The following COLEC10 variants were observed in gnomAD, a reference collection of about 807,000 sequenced individuals.
COLEC10 encodes the protein collectin-10.
Under a neutral mutation model 28.4 loss-of-function variants are expected in COLEC10, and 22 were observed. The ratio of observed to expected loss-of-function variants is 0.78; its 90% confidence interval spans 0.55 to 1.11. COLEC10 has a LOEUF of 1.11. COLEC10 is among the 50% of genes least tolerant of loss of function. COLEC10 has a pLI of 0.00. For synonymous variants in COLEC10, 125 were observed against 116.1 expected, an observed-to-expected ratio of 1.08 and a Z score of -0.49; for missense variants, 361 against 344.1, an observed-to-expected ratio of 1.05 and a Z score of -0.39.
intron 3 of COLEC10, among the ~76,000 whole-genome samples, chr8:119,101,761 G>A (rs571617234): frequency 7.6e-4 from 116 of 152,142 alleles, no homozygotes; most frequent in African/African-American, 2.6e-3. Context: ...GTAAATATTT[G>A]TCTAATTAAG....
chr8:119,075,575 T>C (rs1389309295), intron 1 of COLEC10, among the ~76,000 whole-genome samples: 1 of 152,206 alleles, frequency 6.6e-6, no homozygotes, highest in Non-Finnish European at 1.5e-5. Context: ...AAGACACTTG[T>C]ATCTGTTAAA....
intron 3 of COLEC10, among the ~76,000 whole-genome samples, chr8:119,091,593 GAGAGAA>G (rs1397427937): frequency 5.8e-5 from 5 of 86,108 alleles, no homozygotes; most frequent in South Asian, 3.5e-4. Context: ...GAGAGAGAGA[GAGAGAA>G]AGAAAGAAAG....
chr8:119,052,845 G>T (rs1328769504), intron 2 of COLEC10, among the ~76,000 whole-genome samples: 3 of 152,246 alleles, frequency 2.0e-5, no homozygotes, highest in African/African-American at 7.2e-5. Context: ...AAACAAGCAA[G>T]AGAGCTAAAA....
chr8:119,100,675 C>T (rs1291312590), intron 3 of COLEC10, among the ~76,000 whole-genome samples: 1 of 152,170 alleles, frequency 6.6e-6, no homozygotes, highest in African/African-American at 2.4e-5. Context: ...TACCCTTCCA[C>T]TTGAAGCACT....
intron 2 of COLEC10, among the ~76,000 whole-genome samples, chr8:119,046,746 C>T (rs1255782838): frequency 3.3e-5 from 5 of 152,142 alleles, no homozygotes; most frequent in Non-Finnish European, 5.9e-5. Context: ...TTATTTTAGT[C>T]TTTCTTGATT....
intron 1 of COLEC10, among the ~76,000 whole-genome samples, chr8:119,082,928 G>A (rs750581653): frequency 5.9e-5 from 9 of 152,260 alleles, no homozygotes; most frequent in Non-Finnish European, 1.3e-4. Flanking sequence ...CCACAGCAGC[G>A]ACTGTCAGCA....
intron 1 of COLEC10, among the ~76,000 whole-genome samples, chr8:119,005,716 G>T (rs1002173934): frequency 2.6e-5 from 4 of 152,128 alleles, no homozygotes; most frequent in Admixed American, 2.6e-4. Flanking sequence ...TTTAAAGCTA[G>T]ATTACTCATA....
chr8:119,027,377 G>T (rs767994858), intron 2 of COLEC10, among the ~76,000 whole-genome samples: 30 of 151,992 alleles, frequency 2.0e-4, no homozygotes, highest in Non-Finnish European at 4.0e-4. Flanking sequence ...TAGTCTCAAT[G>T]ATATTTCCCT....
Position 119,057,167 on chromosome 8 carries a change from A to G in COLEC10, n.236-32513A>G, listed in dbSNP as rs565421536. Among the ~76,000 whole-genome samples the G allele has an allele frequency of 2.0e-5, 3 of 152,106 alleles. No homozygotes were observed. In the South Asian group the frequency reaches 6.2e-4, roughly 32 times the overall value. ...CGGTTTCCTCCATGCTGTTCTCATCATAGTGAGTGAGTTTTCACAAGATCT... is the reference window on the plus strand; with the variant it reads ...CGGTTTCCTCCATGCTGTTCTCATCGTAGTGAGTGAGTTTTCACAAGATCT... On this transcript the variant is annotated intron_variant and non_coding_transcript_variant, in intron 2 of 6. Coordinates refer to the COLEC10 transcript ENST00000521788.
intron 1 of COLEC10, among the ~76,000 whole-genome samples, chr8:119,080,085 G>C (rs1161562296): frequency 1.3e-5 from 2 of 152,090 alleles, no homozygotes; most frequent in Non-Finnish European, 2.9e-5. Flanking sequence ...AGCAACACAG[G>C]ATGAGTTAAA....
At chr8:119,096,907 A>T (rs903635025) in intron 3 of COLEC10, among the ~76,000 whole-genome samples, 13 of 152,116 alleles carry the variant, frequency 8.5e-5, no homozygotes, top group Admixed American at 2.0e-4. Context: ...AGAACAACTG[A>T]AACTCTTATA....
At chr8:119,008,239 T>C (rs968007048) in intron 1 of COLEC10, among the ~76,000 whole-genome samples, 7 of 150,718 alleles carry the variant, frequency 4.6e-5, no homozygotes, top group African/African-American at 1.7e-4. Context: ...CTCTAATTAA[T>C]TGTAAGCAGT....
In COLEC10 at chr8:119,076,952, TG is replaced by T. The variant is rs1815251343; in HGVS notation, c.148+9529del. ...AGCTCCCAAAGAAATGTGCGTGGGT[TG>T]GGGGGACTTTGATACACCATAAAGG... is the stretch of plus-strand genomic sequence containing the variant. On this transcript the variant is annotated intron_variant, in intron 1 of 5. Transcript: ENST00000332843. 2.0e-5 allele frequency among the ~76,000 whole-genome samples: 3 copies of T among 152,260 alleles called. No homozygotes were observed. In the South Asian group the frequency reaches 6.2e-4, roughly 32 times the overall value.
At chr8:119,098,165 G>A (rs1246959846) in intron 3 of COLEC10, among the ~76,000 whole-genome samples, 1 of 151,984 alleles carries the variant, frequency 6.6e-6, no homozygotes, top group East Asian at 1.9e-4. Context: ...AGATTTAGAT[G>A]TGTAAGTCTT....
chr8:119,050,574 A>G (rs898461009), intron 2 of COLEC10, among the ~76,000 whole-genome samples: 1 of 152,212 alleles, frequency 6.6e-6, no homozygotes, highest in Non-Finnish European at 1.5e-5. Context: ...TGGCTTGGTA[A>G]TTTATTCTAC....
At chr8:118,991,511 G>A (rs986060142), upstream of COLEC10, among the ~76,000 whole-genome samples, 2 of 152,134 alleles carry the variant, frequency 1.3e-5, no homozygotes, top group African/African-American at 4.8e-5. Context: ...ATTGGTTTGA[G>A]TTTGCAAATG....
At chr8:119,083,385 T>C (rs935710544) in intron 1 of COLEC10, among the ~76,000 whole-genome samples, 10 of 152,178 alleles carry the variant, frequency 6.6e-5, no homozygotes, top group African/African-American at 2.4e-4. Flanking sequence ...TGGGCTCTTA[T>C]TGGGTCACAT....
At chr8:119,104,842 C>CT (rs1353043632) in intron 5 of COLEC10, among the ~76,000 whole-genome samples, 9 of 152,112 alleles carry the variant, frequency 5.9e-5, no homozygotes, top group Non-Finnish European at 1.3e-4. Context: ...ACAGGGAGAA[C>CT]ATAGAGCAAT....
chr8:119,107,219 G>T lies in COLEC10; in HGVS notation c.*1028G>T, dbSNP rs1206632636. On this transcript the variant is annotated 3_prime_UTR_variant, in exon 6 of 6. Transcript: ENST00000332843. ...TCACTAATGGTGACATTTCATGGGA[G>T]GCCTTTTACTCTTCATAAATATATG... 6.6e-6 allele frequency among the ~76,000 whole-genome samples: 1 copy of T among 152,068 alleles called. No individual in the cohort carries two copies. The highest frequency in any genetic ancestry group is 1.5e-5 in the Non-Finnish European group (1 of 67,998).
Sources: gnomAD v4.1 joint callset for allele counts (sites outside exome capture counted in the v4.1 genomes callset) on GRCh38, gnomAD v4.1.1 for gene constraint, MANE v1.5 for transcripts, NCBI Gene and HGNC (gene_info 2026-07-23, HGNC 2026-07-21) for gene names.